The following POLE variants were observed in gnomAD, a reference collection of about 807,000 sequenced individuals.
The protein encoded by POLE is DNA polymerase epsilon catalytic subunit A.
POLE carries 188 observed loss-of-function variants against 279.2 expected under a neutral mutation model. The ratio of observed to expected loss-of-function variants is 0.67; its 90% confidence interval spans 0.60 to 0.76. The LOEUF (loss-of-function observed/expected upper bound fraction) is 0.76, where lower values mean the gene tolerates loss of function less well. Ranked by LOEUF, POLE falls within the 30% of genes least tolerant of loss-of-function variation. The pLI is 0.00. For missense variants in POLE, 2,703 were observed against 3,016.7 expected (o/e 0.90, Z 2.44); for synonymous variants, 1,214 against 1,172.5 (o/e 1.04, Z -0.72).
chr12:132,683,947 G>GCT (rs1277641750), intron 1 of POLE, among the ~76,000 whole-genome samples: 6 of 151,408 alleles, frequency 4.0e-5, no homozygotes, highest in Admixed American at 2.6e-4. Context: ...CTCCACACAG[G>GCT]CTCTCATTCA....
At chr12:132,685,633 A>T (rs2043242047) in intron 1 of POLE, among the ~76,000 whole-genome samples, 1 of 152,204 alleles carries the variant, frequency 6.6e-6, no homozygotes, top group South Asian at 2.1e-4. Flanking sequence ...AGGGCAGTGG[A>T]GTGGAGCACG....
At chr12:132,660,895 A>G in intron 25 of POLE, 74 bp downstream of exon 25, 1 of 1,289,792 alleles carries the variant, frequency 7.8e-7, no homozygotes, top group Non-Finnish European at 1.1e-6. Context: ...CCAGGAGCCC[A>G]GGAAGCACGG....
At chr12:132,632,880 T>C (rs1329977173) in intron 43 of POLE, 85 bp from the exon 44 acceptor site, 3 of 1,443,418 alleles carry the variant, frequency 2.1e-6, no homozygotes, top group South Asian at 1.3e-5. Context: ...GCTGGTCAGA[T>C]TGCCTCACAG....
At chr12:132,686,925 C>G (rs1045820041) in intron 1 of POLE, among the ~76,000 whole-genome samples, 1 of 151,768 alleles carries the variant, frequency 6.6e-6, no homozygotes, top group Non-Finnish European at 1.5e-5. Context: ...GGCCCGGGTC[C>G]CGCCGCTCTC....
At chr12:132,627,024 T>G (rs1319148987) in intron 45 of POLE, among the ~76,000 whole-genome samples, 2 of 152,258 alleles carry the variant, frequency 1.3e-5, no homozygotes, top group Non-Finnish European at 1.5e-5. Context: ...CTCACGCCTG[T>G]AATCCCAGCA....
chr12:132,642,506 C>T lies in POLE; in HGVS notation c.4952G>A (p.Arg1651Lys). The T allele has an allele frequency of 6.2e-7, 1 of 1,613,618 alleles. No individual in the cohort carries two copies. The highest frequency in any genetic ancestry group is 8.5e-7 in the Non-Finnish European group (1 of 1,179,950). Residue 1651 changes from arginine (R) to lysine (K), a missense_variant and splice_region_variant, in exon 37 of 49, where the codon AGG becomes AAG. Physicochemically the swap from Arg to Lys is conservative, Grantham distance 26 (BLOSUM62 2). This residue lies in a region of POLE where 1,551 missense variants were observed against 1,686.1 expected (regional missense o/e 0.92). Coordinates refer to ENST00000320574, the MANE Select transcript of POLE (RefSeq NM_006231.4). ...CCCACAACGACAGTACTGTGCTCAC[C>T]TGCTCATCTCGAAGGCCTGCGACAG... ...TCLSQAFEMS[R>K]YFHIPIGNLP...
chr12:132,624,632 G>T lies in POLE; in HGVS notation c.*65C>A. 1 of 910,016 alleles carries T rather than the reference G, an allele frequency of 1.1e-6. No homozygotes were observed. The highest frequency in any genetic ancestry group is 1.3e-5 in the South Asian group (1 of 76,986). The allele number at this position is 910,016 out of a possible 1,614,324, so 56.4% of individuals were successfully genotyped here. A position where few individuals can be genotyped will look rare whatever the true frequency, so the allele number is the denominator to read the frequency against. On this transcript the variant is annotated 3_prime_UTR_variant, in exon 49 of 49. Transcript: ENST00000320574. ...TCAGTGGTCTGGTCACTGGAAGCAC[G>T]GGGATGTGGCCTTGGCATCAGGAGG...
chr12:132,625,488 G>A, intron 47 of POLE, 157 bp downstream of exon 47: 2 of 945,336 alleles, frequency 2.1e-6, no homozygotes. Flanking sequence ...GGACAGAACA[G>A]TCCATCAGGC....
chr12:132,658,877 C>A (rs79289114), intron 26 of POLE, among the ~76,000 whole-genome samples: 606 of 54,054 alleles, frequency 0.011, 8 homozygotes, highest in Middle Eastern at 0.016. Context: ...TTGTATATAA[C>A]CACCAAAAAA....
In POLE at chr12:132,661,159, G is replaced by A. The variant is rs2138692665; in HGVS notation, c.2870C>T (p.Ala957Val). The change falls in exon 25 of 49, where the codon GCT (alanine) becomes GTT (valine). Residue 957 changes from alanine (A) to valine (V), a missense_variant. This residue lies in a region of POLE where 101 missense variants were observed against 115.4 expected (regional missense o/e 0.87). Coordinates refer to ENST00000320574, the MANE Select transcript of POLE (RefSeq NM_006231.4). This position sits in a 1 kb window ranked among gnomAD's most constrained non-coding sequence, Gnocchi z 4.1. ...CAGAGAACCGTCTTCATTGAACACA[G>A]CATACCTGAAAAAAAAAAAAAAGGC... The part of the protein sequence containing the change: ...EEGKKLKKRY[A>V]VFNEDGSLAE... The A allele has an allele frequency of 6.4e-7, 1 of 1,574,040 alleles. No individual in the cohort carries two copies. Among genetic ancestry groups the A allele is most frequent in the Non-Finnish European group, 8.6e-7 (1 of 1,165,474 alleles).
chr12:132,646,584 C>A (rs2042288973), intron 32 of POLE, among the ~76,000 whole-genome samples: 1 of 150,876 alleles, frequency 6.6e-6, no homozygotes, highest in Non-Finnish European at 1.5e-5. Flanking sequence ...GTAATCCCAG[C>A]ACTTTGGGAG....
In POLE at chr12:132,629,505, C is replaced by T. The variant is rs896621969; in HGVS notation, c.6330+2810G>A. Among the ~76,000 whole-genome samples the T allele has an allele frequency of 2.6e-5, 4 of 152,242 alleles. No individual in the cohort carries two copies. The East Asian group carries it at 5.8e-4, about 22-fold the overall frequency. On this transcript the variant is annotated intron_variant, in intron 45 of 48. Transcript: ENST00000320574. Reference sequence around the variant, plus strand: ...GCCTCTCCACCCGCACCTGTTGCCTCATTTGCCCTTTTATGTTACTGGGAC... The same window carrying T: ...GCCTCTCCACCCGCACCTGTTGCCTTATTTGCCCTTTTATGTTACTGGGAC...
At chr12:132,648,174 C>T (rs939017611) in intron 32 of POLE, among the ~76,000 whole-genome samples, 1 of 152,156 alleles carries the variant, frequency 6.6e-6, no homozygotes, top group African/African-American at 2.4e-5. Flanking sequence ...GTGGAAGAAG[C>T]CCAGCACAAA....
In POLE at chr12:132,673,254, T is replaced by C. The variant is rs1565972617; in HGVS notation, c.1383A>G (p.Ser461=). 1 of 1,612,090 alleles carries C rather than the reference T, an allele frequency of 6.2e-7. No homozygotes were observed. The change falls in exon 14 of 49, where the codon TCA becomes TCG. Residue 461 remains serine (S), a synonymous_variant. Coordinates refer to ENST00000320574, the MANE Select transcript of POLE (RefSeq NM_006231.4). ...ACAGGTAGTAAGTGGCGACAGCATC[T>C]GACACAGAATACGTGGCCAGAGTCT... is the stretch of plus-strand genomic sequence containing the variant. The part of the protein sequence containing the change: ...QPQTLATYSV[S]DAVATYYLYM...
chr12:132,652,313 CCT>C (rs1491166083), intron 29 of POLE, among the ~76,000 whole-genome samples: 8 of 121,592 alleles, frequency 6.6e-5, no homozygotes, highest in South Asian at 2.7e-4. Context: ...ATTGTAGTTT[CCT>C]TTTTTTTTTT....
chr12:132,669,507 G>T (rs2042876223), intron 16 of POLE, among the ~76,000 whole-genome samples: 1 of 151,620 alleles, frequency 6.6e-6, no homozygotes, highest in Non-Finnish European at 1.5e-5. Context: ...ACCCTCCAAA[G>T]TAGTAAAAAT....
chr12:132,681,302 G>A (rs769987559), intron 1 of POLE, 23 bp from the exon 2 acceptor site: 11 of 1,603,952 alleles, frequency 6.9e-6, no homozygotes, highest in South Asian at 1.1e-5. Context: ...AGGGAACCCC[G>A]TGCTTAATTT....
Position 132,668,219 on chromosome 12 carries a change from T to C in POLE, c.2173+137A>G. On this transcript the variant is annotated intron_variant, in intron 19 of 48. Coordinates refer to ENST00000320574, the MANE Select transcript of POLE (RefSeq NM_006231.4). The surrounding 1 kb of genome is among the most constrained non-coding windows in gnomAD (Gnocchi z 4.0). ...CCTGCAGTGAGAGCACAGCTTACAG[T>C]GACCTAGAGCAGCTTCTGGTCTGCT... The C allele has an allele frequency of 1.1e-6, 1 of 930,456 alleles. No homozygotes were observed. The highest frequency in any genetic ancestry group is 1.6e-6 in the Non-Finnish European group (1 of 641,090). The allele number at this position is 930,456 out of a possible 1,614,324, so 57.6% of individuals were successfully genotyped here.
intron 35 of POLE, 55 bp downstream of exon 35, chr12:132,643,169 C>T: frequency 6.4e-7 from 1 of 1,571,612 alleles, no homozygotes; most frequent in South Asian, 1.1e-5. Context: ...GAGATGTCCT[C>T]CTTCCCCAAA....
Sources: allele counts gnomAD v4.1 joint callset (sites outside exome capture counted in the v4.1 genomes callset), GRCh38; gene constraint gnomAD v4.1.1; regional missense constraint gnomAD v4.1.1; non-coding constraint Gnocchi (gnomAD v3.1); transcripts MANE v1.5; gene names NCBI Gene and HGNC (gene_info 2026-07-23, HGNC 2026-07-21).